The following C8orf34 variants were observed in gnomAD, a reference collection of about 807,000 sequenced individuals.
C8orf34 encodes uncharacterized protein C8orf34.
C8orf34 carries 65 observed loss-of-function variants against 68.3 expected under a neutral mutation model. That is an observed-to-expected ratio of 0.95 (90% confidence interval 0.78 to 1.17). C8orf34 has a LOEUF of 1.17. Among genes scored for constraint, C8orf34 ranks in the 50% most tolerant of loss-of-function variants. The pLI, the probability that C8orf34 is intolerant of heterozygous loss-of-function variation, is 0.00. For missense variants in C8orf34, 664 were observed against 655.4 expected (o/e 1.01, Z -0.14); for synonymous variants, 244 against 241.2 (o/e 1.01, Z -0.11).
At chr8:68,375,460 C>T (rs1477418620) in intron 1 of C8orf34, among the ~76,000 whole-genome samples, 2 of 152,206 alleles carry the variant, frequency 1.3e-5, no homozygotes, top group African/African-American at 4.8e-5. Context: ...TGAGAAACCA[C>T]AGCCACAACC....
At chr8:68,652,699 T>G (rs935170906) in intron 8 of C8orf34, among the ~76,000 whole-genome samples, 9 of 152,204 alleles carry the variant, frequency 5.9e-5, no homozygotes, top group African/African-American at 2.2e-4. Context: ...CTTGGTACCC[T>G]TTTTTGAAAT....
chr8:68,595,759 T>C (rs1817531132), intron 7 of C8orf34, among the ~76,000 whole-genome samples: 1 of 152,138 alleles, frequency 6.6e-6, no homozygotes, highest in Admixed American at 6.5e-5. Context: ...TTTCTCTTAA[T>C]TTTTAAAAAT....
intron 11 of C8orf34, among the ~76,000 whole-genome samples, chr8:68,777,165 T>C (rs1452227585): frequency 6.6e-6 from 1 of 152,178 alleles, no homozygotes; most frequent in Non-Finnish European, 1.5e-5. Flanking sequence ...TAAAAGGATT[T>C]TGTGGTTGCC....
At chr8:68,543,053 G>A (rs1441810559) in intron 7 of C8orf34, among the ~76,000 whole-genome samples, 2 of 152,070 alleles carry the variant, frequency 1.3e-5, no homozygotes, top group East Asian at 3.9e-4. Context: ...AGTGAGAAAA[G>A]CCATATATGG....
At chr8:68,445,180 A>G (rs113922289) in intron 2 of C8orf34, among the ~76,000 whole-genome samples, 1 of 152,198 alleles carries the variant, frequency 6.6e-6, no homozygotes, top group African/African-American at 2.4e-5. Flanking sequence ...AAATTGGGTA[A>G]CAGCTAGTTA....
chr8:68,538,964 G>C (rs1815595151), intron 7 of C8orf34, among the ~76,000 whole-genome samples: 1 of 152,082 alleles, frequency 6.6e-6, no homozygotes, highest in Admixed American at 6.6e-5. Flanking sequence ...AGGAGATATA[G>C]AGAAATTAGA....
At chr8:68,783,761 A>G (rs1823763233) in intron 11 of C8orf34, among the ~76,000 whole-genome samples, 1 of 151,934 alleles carries the variant, frequency 6.6e-6, no homozygotes, top group South Asian at 2.1e-4. Flanking sequence ...TGCCCCAACC[A>G]CCTCGGGCAC....
At position 68,461,512 on chromosome 8, in the gene C8orf34, A is replaced by G. The variant is rs947741114; in HGVS notation, c.608-7180A>G. On this transcript the variant is annotated intron_variant, in intron 3 of 13. Transcript: ENST00000518698. ...TGTCAGATTCACCAAAGTTGAAATGAAGGAAAAAATGTTAAGGGCAGCCAG... is the reference window on the plus strand; with the variant it reads ...TGTCAGATTCACCAAAGTTGAAATGGAGGAAAAAATGTTAAGGGCAGCCAG... 5.3e-5 allele frequency among the ~76,000 whole-genome samples: 8 copies of G among 152,190 alleles called. No individual in the cohort carries two copies. The East Asian group carries it at 7.7e-4, about 15-fold the overall frequency.
intron 1 of C8orf34, among the ~76,000 whole-genome samples, chr8:68,400,463 T>C (rs1371365440): frequency 6.6e-6 from 1 of 152,176 alleles, no homozygotes; most frequent in African/African-American, 2.4e-5. Context: ...TTCCCTAGTG[T>C]ATGTTCTTCT....
intron 8 of C8orf34, among the ~76,000 whole-genome samples, chr8:68,647,532 A>G (rs1819215003): frequency 6.6e-6 from 1 of 152,174 alleles, no homozygotes; most frequent in Non-Finnish European, 1.5e-5. Flanking sequence ...AGATGTGATC[A>G]GTAATGGGAC....
At chr8:68,389,486 A>G (rs1268761606) in intron 1 of C8orf34, among the ~76,000 whole-genome samples, 1 of 152,202 alleles carries the variant, frequency 6.6e-6, no homozygotes, top group Non-Finnish European at 1.5e-5. Context: ...AGATGATTGG[A>G]AGGCATTGCG....
At chr8:68,744,578 G>A (rs1415206967) in intron 10 of C8orf34, among the ~76,000 whole-genome samples, 16 of 151,918 alleles carry the variant, frequency 1.1e-4, no homozygotes, top group South Asian at 2.1e-4. Flanking sequence ...CGAGAACTAC[G>A]TGAAGAATGC....
intron 1 of C8orf34, among the ~76,000 whole-genome samples, chr8:68,391,933 A>G (rs1808495995): frequency 6.6e-6 from 1 of 152,154 alleles, no homozygotes; most frequent in South Asian, 2.1e-4. Flanking sequence ...ATTCCACCAC[A>G]TGCCCAGAAA....
intron 8 of C8orf34, among the ~76,000 whole-genome samples, chr8:68,671,730 G>C (rs1340336952): frequency 6.6e-6 from 1 of 152,092 alleles, no homozygotes; most frequent in Non-Finnish European, 1.5e-5. Flanking sequence ...TCGGGTAAGA[G>C]TTGTCTGAGG....
intron 5 of C8orf34, among the ~76,000 whole-genome samples, chr8:68,505,268 AT>A (rs1490226301): frequency 6.6e-6 from 1 of 152,188 alleles, no homozygotes; most frequent in African/African-American, 2.4e-5. Flanking sequence ...TTTTATTTAC[AT>A]TTTTAAATGA....
At chr8:68,584,481 A>T (rs921012816) in intron 7 of C8orf34, among the ~76,000 whole-genome samples, 6 of 152,182 alleles carry the variant, frequency 3.9e-5, no homozygotes, top group South Asian at 4.1e-4. Flanking sequence ...ATCCATTTTG[A>T]TATGTATATT....
chr8:68,598,185 C>T (rs1426633058), intron 7 of C8orf34, among the ~76,000 whole-genome samples: 1 of 152,100 alleles, frequency 6.6e-6, no homozygotes, highest in Admixed American at 6.6e-5. Flanking sequence ...TTTCATAATC[C>T]TTGATGCATT....
intron 3 of C8orf34, among the ~76,000 whole-genome samples, chr8:68,457,415 G>A (rs544261857): frequency 3.9e-4 from 60 of 152,196 alleles, no homozygotes; most frequent in African/African-American, 1.2e-3. Context: ...TATTTAAAAC[G>A]AAAGTAGAGT....
intron 7 of C8orf34, among the ~76,000 whole-genome samples, chr8:68,538,372 G>A (rs3816315): frequency 0.2 from 30,771 of 151,688 alleles, 4,157 homozygotes; most frequent in African/African-American, 0.39. Context: ...TCAGGTACAC[G>A]TAATTAATTG....
Sources: allele counts gnomAD v4.1 joint callset (sites outside exome capture counted in the v4.1 genomes callset), GRCh38; gene constraint gnomAD v4.1.1; transcripts MANE v1.5; gene names NCBI Gene and HGNC (gene_info 2026-07-23, HGNC 2026-07-21).